Variants in LSAMP observed in about 807,000 individuals in gnomAD.
LSAMP encodes the protein limbic system associated membrane protein.
Under a neutral mutation model 38.6 loss-of-function variants are expected in LSAMP, and 7 were observed. The observed-to-expected ratio is 0.18, with a 90% confidence interval of 0.10 to 0.34. LSAMP has a LOEUF of 0.34. Among genes scored for constraint, LSAMP ranks in the 10% least tolerant of loss-of-function variants. The pLI, the probability that LSAMP is intolerant of heterozygous loss-of-function variation, is 1.00. For synonymous variants in LSAMP, 154 were observed against 166.8 expected (o/e 0.92, Z 0.59); for missense variants, 313 against 420.0 (o/e 0.75, Z 2.23).
chr3:116,150,807 G>A (rs1363971489), intron 1 of LSAMP, among the ~76,000 whole-genome samples: 3 of 151,924 alleles, frequency 2.0e-5, no homozygotes, highest in Non-Finnish European at 2.9e-5. Context: ...AAAATTATGA[G>A]GATGTAATGG....
chr3:116,160,011 G>T (rs996105498), intron 1 of LSAMP, among the ~76,000 whole-genome samples: 7 of 152,288 alleles, frequency 4.6e-5, no homozygotes, highest in African/African-American at 1.7e-4. Flanking sequence ...TCACTTACAA[G>T]TGGGAGCTAA....
chr3:115,960,289 C>T (rs1938583622), intron 3 of LSAMP, among the ~76,000 whole-genome samples: 1 of 152,170 alleles, frequency 6.6e-6, no homozygotes, highest in South Asian at 2.1e-4. Flanking sequence ...GAACAACCTA[C>T]AAGCCAAGGG....
chr3:115,806,702 G>C lies in LSAMP; in HGVS notation c.*3615C>G, dbSNP rs1577024394. 1 of 152,326 alleles carries C rather than the reference G, an allele frequency of 6.6e-6. No individual in the cohort carries two copies. The highest frequency in any genetic ancestry group is 3.4e-3 in the Middle Eastern group (1 of 294). The allele number at this position is 152,326 out of a possible 1,614,324, so 9.4% of individuals were successfully genotyped here. A position where few individuals can be genotyped will look rare whatever the true frequency, so the allele number is the denominator to read the frequency against. On this transcript the variant is annotated 3_prime_UTR_variant, in exon 7 of 7. Transcript: ENST00000490035. ...CGAGAAGTCTGTCTGACTTGGAAGA[G>C]AAGGCAAAGGTCAATGGGGCAGTCC...
intron 2 of LSAMP, among the ~76,000 whole-genome samples, chr3:116,057,950 C>CAG (rs2107742786): frequency 9.3e-6 from 1 of 106,978 alleles, no homozygotes; most frequent in Admixed American, 9.4e-5. Flanking sequence ...CACACACACA[C>CAG]ACACACCCAC....
intron 1 of LSAMP, among the ~76,000 whole-genome samples, chr3:116,206,183 A>C (rs1284301890): frequency 1.3e-5 from 2 of 148,238 alleles, no homozygotes; most frequent in Non-Finnish European, 3.0e-5. Context: ...TTTCTAGTTT[A>C]TTTGCGTAGA....
At chr3:116,410,359 G>A (rs1361972353) in intron 1 of LSAMP, among the ~76,000 whole-genome samples, 1 of 151,942 alleles carries the variant, frequency 6.6e-6, no homozygotes, top group Non-Finnish European at 1.5e-5. Flanking sequence ...TTATTCTAAT[G>A]GACTCTGGTG....
At chr3:116,432,630 G>C (rs552329426) in intron 1 of LSAMP, among the ~76,000 whole-genome samples, 2 of 151,860 alleles carry the variant, frequency 1.3e-5, no homozygotes, top group African/African-American at 4.8e-5. Flanking sequence ...TCTTCTTCTT[G>C]TGAATGTAGC....
intron 1 of LSAMP, among the ~76,000 whole-genome samples, chr3:116,263,415 G>A (rs910655588): frequency 1.3e-5 from 2 of 151,966 alleles, no homozygotes; most frequent in African/African-American, 4.8e-5. Context: ...GTGCATGCCT[G>A]TAATCCCAGC....
chr3:116,139,698 T>C (rs540462477), intron 1 of LSAMP, among the ~76,000 whole-genome samples: 1 of 151,968 alleles, frequency 6.6e-6, no homozygotes, highest in Admixed American at 6.6e-5. Flanking sequence ...CAATATATTA[T>C]AGCACACATG....
chr3:116,445,459 C>T lies in LSAMP; in HGVS notation c.-428G>A. The T allele has an allele frequency of 6.6e-6, 3 of 451,958 alleles. No individual in the cohort carries two copies. Among genetic ancestry groups the T allele is most frequent in the South Asian group, 5.8e-5 (1 of 17,128 alleles). The allele number at this position is 451,958 out of a possible 1,614,324, so 28.0% of individuals were successfully genotyped here. A position where few individuals can be genotyped will look rare whatever the true frequency, so the allele number is the denominator to read the frequency against. ...GCGAGGGAGCCGGCACCAAGCCTGC[C>T]AGTGAGTGTACAGAAACAGCCACAC... On this transcript the variant is annotated 5_prime_UTR_variant, in exon 1 of 7. Coordinates refer to ENST00000490035, the MANE Select transcript of LSAMP (RefSeq NM_002338.5).
intron 1 of LSAMP, among the ~76,000 whole-genome samples, chr3:116,173,603 G>GT (rs1409256303): frequency 1.3e-5 from 2 of 151,854 alleles, no homozygotes; most frequent in Non-Finnish European, 2.9e-5. Flanking sequence ...ACACATACTA[G>GT]GTTTCTATTA....
chr3:115,917,164 G>A (rs1185654969), intron 3 of LSAMP, among the ~76,000 whole-genome samples: 1 of 152,150 alleles, frequency 6.6e-6, no homozygotes, highest in East Asian at 1.9e-4. Flanking sequence ...TTCCTAGGTT[G>A]GGAAACTTAA....
At chr3:116,140,240 C>G (rs771588445) in intron 1 of LSAMP, among the ~76,000 whole-genome samples, 20 of 151,900 alleles carry the variant, frequency 1.3e-4, no homozygotes, top group Non-Finnish European at 2.5e-4. Flanking sequence ...CATCGAAAAA[C>G]TTGAAGAAAA....
rs140853096 is a variant in LSAMP at position 115,926,509 on chromosome 3, C to T, written c.515-73892G>A. Among the ~76,000 whole-genome samples, 902 of 152,302 alleles carry T rather than the reference C, an allele frequency of 5.9e-3. 3 individuals are homozygous for T. The highest frequency in any genetic ancestry group is 0.012 in the Admixed American group (184 of 15,300). Reference sequence around the variant, plus strand: ...CGTGTTCACAGTTGGATCGCCAGTGCAATTGTTCTCAAACATGGATGAACA... The same window carrying T: ...CGTGTTCACAGTTGGATCGCCAGTGTAATTGTTCTCAAACATGGATGAACA... On this transcript the variant is annotated intron_variant, in intron 3 of 6. Coordinates refer to ENST00000490035, the MANE Select transcript of LSAMP (RefSeq NM_002338.5).
intron 1 of LSAMP, among the ~76,000 whole-genome samples, chr3:116,432,915 C>T (rs2049300214): frequency 6.6e-6 from 1 of 152,102 alleles, no homozygotes. Context: ...AGAAAAAAAT[C>T]CATTCTCCTG....
In LSAMP at chr3:115,962,767, G is replaced by T. The variant is rs566047806; in HGVS notation, c.514+56748C>A. ...ATTAGATCCACAGGACATTGCCTTCGCATGGGTAGATGGAGCCCCCAGCCC... is the reference window on the plus strand; with the variant it reads ...ATTAGATCCACAGGACATTGCCTTCTCATGGGTAGATGGAGCCCCCAGCCC... On this transcript the variant is annotated intron_variant, in intron 3 of 6. Transcript: ENST00000490035. Among the ~76,000 whole-genome samples the T allele has an allele frequency of 7.2e-5, 11 of 152,304 alleles. No individual in the cohort carries two copies. The South Asian group carries it at 2.3e-3, about 32-fold the overall frequency.
intron 1 of LSAMP, among the ~76,000 whole-genome samples, chr3:116,232,716 T>TTTTTTTTC (rs1036028089): frequency 1.4e-3 from 203 of 146,838 alleles, no homozygotes; most frequent in Non-Finnish European, 2.4e-3. Flanking sequence ...TTTTTTTTTT[T>TTTTTTTTC]CCAGCAGGTA....
At chr3:116,295,656 CTCATA>C (rs1559817508) in intron 1 of LSAMP, among the ~76,000 whole-genome samples, 2 of 152,134 alleles carry the variant, frequency 1.3e-5, no homozygotes, top group East Asian at 3.9e-4. Flanking sequence ...AAATCACCAT[CTCATA>C]TCAGAAGAGA....
chr3:115,874,910 A>T (rs1936141804), intron 3 of LSAMP, among the ~76,000 whole-genome samples: 1 of 146,990 alleles, frequency 6.8e-6, no homozygotes, highest in East Asian at 2.0e-4. Flanking sequence ...AAGGTACTTT[A>T]AAAAAAAAAA....
Sources: gnomAD v4.1 joint callset for allele counts (sites outside exome capture counted in the v4.1 genomes callset) on GRCh38, gnomAD v4.1.1 for gene constraint, MANE v1.5 for transcripts, NCBI Gene and HGNC (gene_info 2026-07-23, HGNC 2026-07-21) for gene names.